Variants in ZNF804A observed in about 807,000 individuals in gnomAD.
ZNF804A encodes zinc finger protein 804A.
A neutral mutation model predicts 16.5 loss-of-function variants in ZNF804A; 2 were observed. The ratio of observed to expected loss-of-function variants is 0.12; its 90% CI spans 0.05 to 0.38. ZNF804A has a LOEUF of 0.38. ZNF804A is among the 10% of genes least tolerant of loss of function. The probability of loss-of-function intolerance (pLI) is 0.99; values close to 1 mark genes in which losing one functional copy is unlikely to be tolerated. For synonymous variants in ZNF804A, 534 were observed against 489.6 expected (o/e 1.09, Z -1.20); for missense variants, 1,473 against 1,390.7 (o/e 1.06, Z -0.94).
At chr2:184,916,081 T>C (rs1302445753) in intron 2 of ZNF804A, among the ~76,000 whole-genome samples, 1 of 152,210 alleles carries the variant, frequency 6.6e-6, no homozygotes, top group Admixed American at 6.5e-5. Context: ...GATTGAGTTG[T>C]AATTCTTTCA....
At chr2:184,759,460 A>G (rs971543436) in intron 1 of ZNF804A, among the ~76,000 whole-genome samples, 1 of 151,890 alleles carries the variant, frequency 6.6e-6, no homozygotes, top group Non-Finnish European at 1.5e-5. Context: ...CCACCTTTGC[A>G]TCTTTTCTGT....
Position 184,854,096 on chromosome 2 carries a change from C to T in ZNF804A, c.112-12273C>T, listed in dbSNP as rs772716532. 7.2e-5 allele frequency among the ~76,000 whole-genome samples: 11 copies of T among 151,916 alleles called. No individual in the cohort carries two copies. The South Asian group carries it at 8.3e-4, about 11-fold the overall frequency. ...TAATCCTTGTTAGTAACGATTTGAT[C>T]TTCCTACTCATTATTGGCCTGTTCA... is the stretch of plus-strand genomic sequence containing the variant. On this transcript the variant is annotated intron_variant, in intron 1 of 3. Coordinates refer to ENST00000302277, the MANE Select transcript of ZNF804A (RefSeq NM_194250.2).
chr2:184,812,260 GC>G (rs1694912814), intron 1 of ZNF804A, among the ~76,000 whole-genome samples: 1 of 152,022 alleles, frequency 6.6e-6, no homozygotes, highest in African/African-American at 2.4e-5. Context: ...TCTCTAGTTC[GC>G]CAACCACACA....
At position 184,938,608 on chromosome 2, in the gene ZNF804A, C is replaced by T; in HGVS notation, c.3212C>T (p.Pro1071Leu). Residue 1071 changes from proline (P) to leucine (L), a missense_variant, in exon 4 of 4, where the codon CCA becomes CTA. Coordinates refer to ENST00000302277, the MANE Select transcript of ZNF804A (RefSeq NM_194250.2). Reference protein sequence around the residue: ...LANKVKFTFPPAALPPPSTPL... With the variant: ...LANKVKFTFPLAALPPPSTPL... ...AACAAGGTTAAATTTACCTTTCCTC[C>T]AGCTGCCCTCCCACCCCCTAGCACA... The T allele has an allele frequency of 1.2e-6, 2 of 1,614,034 alleles. No individual in the cohort carries two copies. The highest frequency in any genetic ancestry group is 1.7e-6 in the Non-Finnish European group (2 of 1,179,976).
chr2:184,787,260 T>C (rs900178822), intron 1 of ZNF804A, among the ~76,000 whole-genome samples: 4 of 152,018 alleles, frequency 2.6e-5, no homozygotes, highest in Admixed American at 1.3e-4. Flanking sequence ...AGTCAACTGA[T>C]AGACGCTTAG....
chr2:184,873,328 A>G (rs1040023952), intron 2 of ZNF804A, among the ~76,000 whole-genome samples: 2 of 152,186 alleles, frequency 1.3e-5, no homozygotes, highest in African/African-American at 2.4e-5. Context: ...TCTCTATAGA[A>G]AATACAAAAA....
chr2:184,617,193 T>C (rs1691338740), intron 1 of ZNF804A, among the ~76,000 whole-genome samples: 1 of 152,140 alleles, frequency 6.6e-6, no homozygotes, highest in African/African-American at 2.4e-5. Flanking sequence ...TGGGTGGAAA[T>C]GTAAGACTAT....
At chr2:184,861,184 T>A (rs1339078343) in intron 1 of ZNF804A, among the ~76,000 whole-genome samples, 1 of 152,176 alleles carries the variant, frequency 6.6e-6, no homozygotes, top group Non-Finnish European at 1.5e-5. Context: ...TGAAGCAAAG[T>A]CCTATGTTCA....
At chr2:184,679,675 A>G (rs530292982) in intron 1 of ZNF804A, among the ~76,000 whole-genome samples, 6 of 152,250 alleles carry the variant, frequency 3.9e-5, no homozygotes, top group Admixed American at 3.3e-4. Context: ...GTGTGCACTC[A>G]CTTGGGGCAG....
chr2:184,717,960 T>C (rs1278229091), intron 1 of ZNF804A, among the ~76,000 whole-genome samples: 1 of 152,158 alleles, frequency 6.6e-6, no homozygotes, highest in Non-Finnish European at 1.5e-5. Flanking sequence ...CATTTGAAAT[T>C]CTAGCCAGGA....
chr2:184,860,966 C>T (rs1695791416), intron 1 of ZNF804A, among the ~76,000 whole-genome samples: 1 of 152,194 alleles, frequency 6.6e-6, no homozygotes, highest in Non-Finnish European at 1.5e-5. Flanking sequence ...GGATGAGGTC[C>T]AGAGCCTGGG....
Position 184,855,639 on chromosome 2 carries a change from T to C in ZNF804A, c.112-10730T>C, listed in dbSNP as rs996571552. 2.8e-4 allele frequency among the ~76,000 whole-genome samples: 41 copies of C among 148,576 alleles called. 1 individual carries two copies. Among genetic ancestry groups the C allele is most frequent in the African/African-American group, 8.9e-4 (36 of 40,490 alleles). On this transcript the variant is annotated intron_variant, in intron 1 of 3. Transcript: ENST00000302277. ...ATACACACACACACACACACACACA[T>C]ATAAAGCACTTTCTTGAACAACACA... is the stretch of plus-strand genomic sequence containing the variant.
At chr2:184,687,168 A>G (rs1692650416) in intron 1 of ZNF804A, among the ~76,000 whole-genome samples, 1 of 152,154 alleles carries the variant, frequency 6.6e-6, no homozygotes. Flanking sequence ...CTACACTTAA[A>G]TTTTTAATCC....
chr2:184,837,692 AT>A, intron 1 of ZNF804A, among the ~76,000 whole-genome samples: 1 of 152,154 alleles, frequency 6.6e-6, no homozygotes, highest in Non-Finnish European at 1.5e-5. Context: ...ATGATCTATC[AT>A]TTTATTTAGT....
At chr2:184,721,181 C>G (rs911923865) in intron 1 of ZNF804A, among the ~76,000 whole-genome samples, 2 of 152,048 alleles carry the variant, frequency 1.3e-5, no homozygotes, top group Non-Finnish European at 2.9e-5. Flanking sequence ...GGAAATTTGC[C>G]TAGGCAAAGA....
At chr2:184,704,563 A>G (rs1692990618) in intron 1 of ZNF804A, among the ~76,000 whole-genome samples, 1 of 152,202 alleles carries the variant, frequency 6.6e-6, no homozygotes, top group South Asian at 2.1e-4. Context: ...CTTGTGGAAG[A>G]TTAGTGAAAA....
chr2:184,935,211 A>G (rs1301777615), intron 3 of ZNF804A, among the ~76,000 whole-genome samples: 1 of 152,082 alleles, frequency 6.6e-6, no homozygotes, highest in Non-Finnish European at 1.5e-5. Context: ...AAATATTGAG[A>G]CTAACAATTT....
chr2:184,756,913 G>A (rs559355998), intron 1 of ZNF804A, among the ~76,000 whole-genome samples: 1 of 151,962 alleles, frequency 6.6e-6, no homozygotes, highest in African/African-American at 2.4e-5. Flanking sequence ...GAGCAGTTTA[G>A]TGCCAAACAA....
rs551308268 is a variant in ZNF804A at position 184,714,941 on chromosome 2, AG to A, written c.111+115872del. ...TTTCCTTTATACCTTCTTCATACTC[AG>A]AAGAAGTAAATATTGAAGGATGAGT... On this transcript the variant is annotated intron_variant, in intron 1 of 3. Transcript: ENST00000302277. 3.3e-5 allele frequency among the ~76,000 whole-genome samples: 5 copies of A among 152,178 alleles called. No individual in the cohort carries two copies. The South Asian group carries it at 1.0e-3, about 32-fold the overall frequency.
Sources: gnomAD v4.1 joint callset for allele counts (sites outside exome capture counted in the v4.1 genomes callset) on GRCh38, gnomAD v4.1.1 for gene constraint, MANE v1.5 for transcripts, NCBI Gene and HGNC (gene_info 2026-07-23, HGNC 2026-07-21) for gene names.